The following GART variants were observed in gnomAD, a reference collection of about 807,000 sequenced individuals.
GART encodes the protein trifunctional purine biosynthetic protein adenosine-3.
Under a neutral mutation model 107.2 loss-of-function variants are expected in GART, and 43 were observed. The ratio of observed to expected loss-of-function variants is 0.40; its 90% CI spans 0.31 to 0.52. The LOEUF (loss-of-function observed/expected upper bound fraction) is 0.52. Ranked by LOEUF, GART falls within the 20% of genes least tolerant of loss-of-function variation. The pLI is 0.52. For missense variants in GART, 1,107 were observed against 1,206.5 expected (o/e 0.92, Z 1.22); for synonymous variants, 434 against 427.0 (o/e 1.02, Z -0.20).
chr21:33,516,913 T>C (rs773664033), intron 16 of GART, 76 bp downstream of exon 16: 4 of 1,286,086 alleles, frequency 3.1e-6, no homozygotes, highest in Non-Finnish European at 4.3e-6. Context: ...GTACATTAAC[T>C]ACCCATAGTT....
chr21:33,533,446 AAAAAATAAATAAATAAATAAAAAT>A (rs1196782500), intron 4 of GART, among the ~76,000 whole-genome samples: 3 of 150,544 alleles, frequency 2.0e-5, no homozygotes, highest in African/African-American at 7.3e-5. Flanking sequence ...CTCAAAAAAA[AAAAAATAAATAAATAAATAAAAAT>A]AAAAATAAAT....
intron 14 of GART, among the ~76,000 whole-genome samples, chr21:33,518,398 A>G (rs1194634098): frequency 1.3e-5 from 2 of 152,102 alleles, no homozygotes; most frequent in African/African-American, 4.8e-5. Context: ...GAATTGCTTG[A>G]ACCTGGGAGG....
At chr21:33,516,262 A>AG (rs1250018450) in intron 16 of GART, among the ~76,000 whole-genome samples, 1 of 151,624 alleles carries the variant, frequency 6.6e-6, no homozygotes, top group African/African-American at 2.4e-5. Flanking sequence ...AAAAAAAAAA[A>AG]AAAAAAGAAA....
At chr21:33,541,832 T>C (rs1729771383) in intron 1 of GART, among the ~76,000 whole-genome samples, 1 of 152,070 alleles carries the variant, frequency 6.6e-6, no homozygotes, top group South Asian at 2.1e-4. Context: ...TAAAAATGTA[T>C]AAAGACACAA....
chr21:33,521,234 G>A (rs976636626), intron 12 of GART, among the ~76,000 whole-genome samples: 6 of 152,174 alleles, frequency 3.9e-5, no homozygotes, highest in African/African-American at 9.7e-5. Flanking sequence ...ATGTTAATAG[G>A]TTAAACATGT....
At chr21:33,509,678 C>A (rs1021710369) in intron 18 of GART, 105 bp downstream of exon 18, 2 of 1,140,546 alleles carry the variant, frequency 1.8e-6, no homozygotes, top group Admixed American at 4.9e-5. Flanking sequence ...TGATTCCCCC[C>A]AGTCCCTAGA....
intron 7 of GART, 113 bp from the exon 8 acceptor site, chr21:33,529,050 A>G (rs1450063522): frequency 1.6e-6 from 1 of 625,658 alleles, no homozygotes; most frequent in African/African-American, 1.9e-5. Context: ...TTACTACCTG[A>G]AACATGCTGA....
At chr21:33,540,402 T>A (rs2085390307) in intron 1 of GART, among the ~76,000 whole-genome samples, 2 of 152,256 alleles carry the variant, frequency 1.3e-5, no homozygotes, top group Admixed American at 1.3e-4. Context: ...TTTCCTGTTC[T>A]TTTTCTCAAT....
chr21:33,522,350 T>A, intron 11 of GART, 68 bp from the exon 12 acceptor site: 1 of 1,226,980 alleles, frequency 8.2e-7, no homozygotes, highest in Non-Finnish European at 1.2e-6. Flanking sequence ...AAATATTATT[T>A]AAAGCAGAAG....
chr21:33,506,447 C>T (rs1347570684), intron 18 of GART, among the ~76,000 whole-genome samples: 2 of 152,064 alleles, frequency 1.3e-5, no homozygotes, highest in Admixed American at 6.6e-5. Context: ...CAACCTCACA[C>T]TTTTTAAAAA....
chr21:33,513,372 C>G (rs1247453555), intron 16 of GART, among the ~76,000 whole-genome samples: 2 of 151,962 alleles, frequency 1.3e-5, no homozygotes, highest in African/African-American at 4.8e-5. Flanking sequence ...GAGTTCGACA[C>G]CAGCCTGGCC....
upstream of GART, chr21:33,542,690 A>G (rs1241472596): frequency 5.5e-6 from 1 of 180,908 alleles, no homozygotes; most frequent in African/African-American, 2.4e-5. Flanking sequence ...TGTGTTAAAC[A>G]CCGGGTTGCC....
chr21:33,524,160 T>G (rs1466821164), intron 11 of GART: 2 of 985,146 alleles, frequency 2.0e-6, no homozygotes, highest in East Asian at 2.3e-4. Flanking sequence ...CAAATCAAAT[T>G]ACAAAGTTAG....
At chr21:33,516,728 A>G (rs1224239737) in intron 16 of GART, among the ~76,000 whole-genome samples, 1 of 152,134 alleles carries the variant, frequency 6.6e-6, no homozygotes, top group Non-Finnish European at 1.5e-5. Flanking sequence ...GCTTGAAGTT[A>G]CCAATCCCCT....
At chr21:33,515,670 A>AC (rs1169876861) in intron 16 of GART, among the ~76,000 whole-genome samples, 30 of 150,856 alleles carry the variant, frequency 2.0e-4, no homozygotes, top group African/African-American at 7.3e-4. Context: ...AAAAAAAAAA[A>AC]AAAAACGAAA....
chr21:33,530,821 A>T lies in GART; in HGVS notation c.661T>A (p.Leu221Ile), dbSNP rs1313389217. 1 of 1,542,526 alleles carries T rather than the reference A, an allele frequency of 6.5e-7. No homozygotes were observed. The highest frequency in any genetic ancestry group is 1.4e-5 in the African/African-American group (1 of 69,880). The change falls in exon 7 of 22, where the codon TTA (leucine) becomes ATA (isoleucine). Residue 221 changes from leucine to isoleucine, a missense_variant. Transcript: ENST00000381815. Reference protein sequence around the residue: ...PMPPAQDHKRLLEGDGGPNTG... With the variant: ...PMPPAQDHKRILEGDGGPNTG... The stretch of plus-strand genomic sequence containing the variant: ...TTAGGGCCACCATCTCCCTCCAGTA[A>T]TCGCTTATGGTCCTGTGCTGGGGGC...
At chr21:33,504,610 C>A in intron 20 of GART, 83 bp from the exon 21 acceptor site, 1 of 940,398 alleles carries the variant, frequency 1.1e-6, no homozygotes, top group Non-Finnish European at 1.6e-6. Context: ...TATCTAGATC[C>A]GAAGTCAAAC....
At chr21:33,526,616 A>G (rs1025090108) in intron 10 of GART, among the ~76,000 whole-genome samples, 9 of 152,082 alleles carry the variant, frequency 5.9e-5, no homozygotes, top group Non-Finnish European at 1.0e-4. Flanking sequence ...AATGCAAAAC[A>G]TAAGTAATCT....
At chr21:33,515,494 G>C (rs2084857453) in intron 16 of GART, among the ~76,000 whole-genome samples, 2 of 151,680 alleles carry the variant, frequency 1.3e-5, no homozygotes, top group African/African-American at 4.8e-5. Context: ...ACAAAAATTA[G>C]CCGGGCATGG....
Sources: allele counts gnomAD v4.1 joint callset (sites outside exome capture counted in the v4.1 genomes callset), GRCh38; gene constraint gnomAD v4.1.1; transcripts MANE v1.5; gene names NCBI Gene and HGNC (gene_info 2026-07-23, HGNC 2026-07-21).